The following PPFIA2 variants were observed in gnomAD, a reference collection of about 807,000 sequenced individuals.
The protein encoded by PPFIA2 is PPFI scaffold protein A2.
Under a neutral mutation model 175.5 loss-of-function variants are expected in PPFIA2, and 46 were observed. The observed-to-expected ratio is 0.26, with a 90% CI of 0.21 to 0.34. The LOEUF (loss-of-function observed/expected upper bound fraction) is 0.34. Ranked by LOEUF, PPFIA2 falls within the 10% of genes least tolerant of loss-of-function variation. PPFIA2 has a pLI of 1.00. For missense variants in PPFIA2, 1,179 were observed against 1,506.1 expected (o/e 0.78, Z 3.60); for synonymous variants, 568 against 511.4 (o/e 1.11, Z -1.49).
At chr12:81,647,962 T>C (rs1282011189) in intron 4 of PPFIA2, among the ~76,000 whole-genome samples, 1 of 146,862 alleles carries the variant, frequency 6.8e-6, no homozygotes, top group Non-Finnish European at 1.5e-5. Flanking sequence ...GTCAGAAGCA[T>C]TGAAAGCTAG....
At chr12:81,694,730 T>A (rs955547302) in intron 3 of PPFIA2, among the ~76,000 whole-genome samples, 1 of 152,076 alleles carries the variant, frequency 6.6e-6, no homozygotes, top group East Asian at 1.9e-4. Flanking sequence ...ACCCTCCAGA[T>A]CAGAGAACTG....
intron 17 of PPFIA2, among the ~76,000 whole-genome samples, chr12:81,349,648 T>C (rs2059675102): frequency 6.6e-6 from 1 of 152,130 alleles, no homozygotes; most frequent in African/African-American, 2.4e-5. Flanking sequence ...TTTTTTCTGG[T>C]GAGATGTAAC....
chr12:81,427,427 C>G (rs1381458032), intron 7 of PPFIA2, among the ~76,000 whole-genome samples: 1 of 151,998 alleles, frequency 6.6e-6, no homozygotes, highest in Non-Finnish European at 1.5e-5. Context: ...GGTATTGTTA[C>G]AGTCCTTACT....
intron 4 of PPFIA2, among the ~76,000 whole-genome samples, chr12:81,661,959 T>C (rs1252305055): frequency 1.3e-5 from 2 of 151,990 alleles, no homozygotes; most frequent in Non-Finnish European, 2.9e-5. Flanking sequence ...ACTGGGTATA[T>C]AACGAAATGA....
chr12:81,401,120 T>C (rs2042028221), intron 8 of PPFIA2, among the ~76,000 whole-genome samples: 1 of 152,164 alleles, frequency 6.6e-6, no homozygotes, highest in Admixed American at 6.6e-5. Flanking sequence ...TATGCCCTTT[T>C]ACACTGTGTA....
chr12:81,733,385 G>C (rs1397280329), intron 3 of PPFIA2, among the ~76,000 whole-genome samples: 2 of 151,546 alleles, frequency 1.3e-5, no homozygotes, highest in Admixed American at 6.6e-5. Flanking sequence ...AAGTTCAAGA[G>C]ATCTGCTGTA....
chr12:81,332,959 T>C (rs2056423892), intron 21 of PPFIA2, among the ~76,000 whole-genome samples: 2 of 152,186 alleles, frequency 1.3e-5, no homozygotes, highest in Non-Finnish European at 2.9e-5. Flanking sequence ...TCATAGTAAA[T>C]ATTTTATGGT....
At chr12:81,431,353 G>T (rs1716574248) in intron 7 of PPFIA2, 1 of 151,842 alleles carries the variant, frequency 6.6e-6, no homozygotes, top group African/African-American at 2.4e-5. Flanking sequence ...CCAATTTTAA[G>T]CAATAACAAT....
intron 11 of PPFIA2, among the ~76,000 whole-genome samples, chr12:81,370,476 A>G (rs2034787085): frequency 6.6e-6 from 1 of 151,872 alleles, no homozygotes; most frequent in Non-Finnish European, 1.5e-5. Context: ...AATGAAAATG[A>G]TTGAAAGTCC....
intron 4 of PPFIA2, among the ~76,000 whole-genome samples, chr12:81,536,369 C>T (rs904056552): frequency 1.3e-5 from 2 of 151,318 alleles, no homozygotes; most frequent in Non-Finnish European, 3.0e-5. Flanking sequence ...TTTTATGGTG[C>T]TTTACCATAA....
Position 81,341,029 on chromosome 12 carries a change from A to G in PPFIA2, c.2393+49T>C, listed in dbSNP as rs1339589991. On this transcript the variant is annotated intron_variant, in intron 20 of 32. Coordinates refer to ENST00000549396, the MANE Select transcript of PPFIA2 (RefSeq NM_003625.5). ...TCGACAACAACGAAGGAAGAGGAAT[A>G]TTTTTGGAAGGAGGGCATTCAGTGT... The G allele has an allele frequency of 5.3e-6, 8 of 1,503,546 alleles. No individual in the cohort carries two copies. In the East Asian group the frequency reaches 9.4e-5, roughly 18 times the overall value. 93.1% of individuals were successfully genotyped at this position (1,503,546 alleles called of 1,614,324 possible).
chr12:81,645,344 A>G (rs1019952746), intron 4 of PPFIA2, among the ~76,000 whole-genome samples: 38 of 152,268 alleles, frequency 2.5e-4, no homozygotes, highest in African/African-American at 8.9e-4. Context: ...ACAGTTTTAC[A>G]TCTCACCCTG....
intron 15 of PPFIA2, 104 bp downstream of exon 15, chr12:81,362,589 G>C: frequency 1.5e-6 from 1 of 662,038 alleles, no homozygotes; most frequent in Non-Finnish European, 2.5e-6. Context: ...TGACTAGTGA[G>C]CAATAGGAAG....
At chr12:81,719,153 T>A (rs1233595150) in intron 3 of PPFIA2, among the ~76,000 whole-genome samples, 4 of 151,698 alleles carry the variant, frequency 2.6e-5, no homozygotes, top group African/African-American at 9.7e-5. Context: ...TGACTTCTAT[T>A]AGTTTGAAAG....
chr12:81,668,714 T>C (rs552183865), intron 4 of PPFIA2, among the ~76,000 whole-genome samples: 2 of 151,950 alleles, frequency 1.3e-5, no homozygotes, highest in Admixed American at 6.6e-5. Context: ...TGATTCATAG[T>C]GGCAGGACTG....
chr12:81,382,981 T>C (rs895872375), intron 9 of PPFIA2, among the ~76,000 whole-genome samples: 1 of 152,006 alleles, frequency 6.6e-6, no homozygotes, highest in Non-Finnish European at 1.5e-5. Context: ...TAAATACGGA[T>C]GAAAACCAGA....
chr12:81,383,219 C>A (rs2038145241), intron 9 of PPFIA2, among the ~76,000 whole-genome samples: 1 of 152,032 alleles, frequency 6.6e-6, no homozygotes, highest in African/African-American at 2.4e-5. Flanking sequence ...TGATGAACAA[C>A]TAGCTAGTTA....
chr12:81,581,522 A>T, intron 4 of PPFIA2, among the ~76,000 whole-genome samples: 1 of 149,764 alleles, frequency 6.7e-6, no homozygotes, highest in Admixed American at 6.7e-5. Flanking sequence ...ACACTCTAAC[A>T]CTCCCTTCCC....
chr12:81,649,921 G>C (rs1014918409), intron 4 of PPFIA2, among the ~76,000 whole-genome samples: 1 of 152,140 alleles, frequency 6.6e-6, no homozygotes, highest in Non-Finnish European at 1.5e-5. Flanking sequence ...GAAATTTTTA[G>C]GGCCATGGGA....
Sources: gnomAD v4.1 joint callset for allele counts (sites outside exome capture counted in the v4.1 genomes callset) on GRCh38, gnomAD v4.1.1 for gene constraint, MANE v1.5 for transcripts, NCBI Gene and HGNC (gene_info 2026-07-23, HGNC 2026-07-21) for gene names.